SGCD: variants seen among roughly 807,000 people sequenced by gnomAD.
SGCD encodes the protein sarcoglycan delta.
In SGCD, 18 loss-of-function variants were observed where a neutral mutation model predicts 36.6. The observed-to-expected ratio is 0.49, with a 90% CI of 0.34 to 0.73. The LOEUF is 0.73. Ranked by LOEUF, SGCD falls within the 30% of genes least tolerant of loss-of-function variation. The probability of loss-of-function intolerance (pLI) is 0.01; values close to 1 mark genes in which losing one functional copy is unlikely to be tolerated. For missense variants in SGCD, 387 were observed against 346.7 expected (o/e 1.12, Z -0.92); for synonymous variants, 133 against 130.6 (o/e 1.02, Z -0.12).
chr5:156,351,246 T>A (rs1366837380), intron 3 of SGCD, among the ~76,000 whole-genome samples: 3 of 152,210 alleles, frequency 2.0e-5, no homozygotes, highest in Non-Finnish European at 4.4e-5. Flanking sequence ...AAACTTAATA[T>A]CTACCCATAG....
intron 3 of SGCD, among the ~76,000 whole-genome samples, chr5:156,296,163 G>C (rs1259247591): frequency 6.6e-6 from 1 of 152,156 alleles, no homozygotes; most frequent in Non-Finnish European, 1.5e-5. Flanking sequence ...TGATCACTCT[G>C]TTATATCTTC....
At chr5:156,628,596 C>T (rs1428161966) in intron 6 of SGCD, among the ~76,000 whole-genome samples, 1 of 152,152 alleles carries the variant, frequency 6.6e-6, no homozygotes, top group Non-Finnish European at 1.5e-5. Flanking sequence ...ATCTGCCATC[C>T]TTGACATCTT....
At chr5:156,176,831 C>T (rs911244577) in intron 3 of SGCD, among the ~76,000 whole-genome samples, 2 of 151,894 alleles carry the variant, frequency 1.3e-5, no homozygotes, top group Non-Finnish European at 2.9e-5. Context: ...TCCATTTTTT[C>T]TTTATCTGCC....
intron 3 of SGCD, among the ~76,000 whole-genome samples, chr5:156,157,311 C>T (rs1376766435): frequency 6.6e-6 from 1 of 151,706 alleles, no homozygotes; most frequent in African/African-American, 2.4e-5. Flanking sequence ...GTATTACTTT[C>T]ACTGTTTTTC....
At chr5:156,168,014 G>A (rs1165448434) in intron 3 of SGCD, among the ~76,000 whole-genome samples, 1 of 152,180 alleles carries the variant, frequency 6.6e-6, no homozygotes, top group South Asian at 2.1e-4. Flanking sequence ...TGAGCAAGTG[G>A]CTTAAACTTT....
intron 3 of SGCD, among the ~76,000 whole-genome samples, chr5:156,470,000 G>A (rs1389272804): frequency 6.6e-6 from 1 of 152,152 alleles, no homozygotes; most frequent in Non-Finnish European, 1.5e-5. Context: ...ATAGAAAGGG[G>A]CACAGTTTCT....
intron 3 of SGCD, among the ~76,000 whole-genome samples, chr5:156,470,400 A>T (rs537538370): frequency 6.6e-5 from 10 of 152,132 alleles, no homozygotes; most frequent in Admixed American, 6.5e-4. Flanking sequence ...TGTGCAGTTT[A>T]GTTACATATG....
intron 1 of SGCD, among the ~76,000 whole-genome samples, chr5:155,899,571 T>A (rs1269316384): frequency 6.6e-6 from 1 of 152,188 alleles, no homozygotes; most frequent in Non-Finnish European, 1.5e-5. Context: ...GGAATGATAT[T>A]TTAGAAGCAT....
intron 2 of SGCD, among the ~76,000 whole-genome samples, chr5:156,338,038 G>A (rs1308978293): frequency 6.6e-6 from 1 of 152,068 alleles, no homozygotes; most frequent in Non-Finnish European, 1.5e-5. Context: ...GCCTGTCAAT[G>A]CCCCTTCTTT....
intron 3 of SGCD, among the ~76,000 whole-genome samples, chr5:156,365,771 C>T (rs543563470): frequency 1.3e-5 from 2 of 151,910 alleles, no homozygotes; most frequent in South Asian, 4.2e-4. Flanking sequence ...ACATGTATGT[C>T]TATATTTCCA....
rs555945842 is a variant in SGCD, at chr5:156,237,638, A to G, written c.-43-91896A>G. On this transcript the variant is annotated intron_variant, in intron 3 of 9. Transcript: ENST00000517913. The stretch of plus-strand genomic sequence containing the variant: ...AGACTGTCTCAAAATGAAAAAAACA[A>G]AAAACAAAGCGGGACACTTTCAGAA... Among the ~76,000 whole-genome samples the G allele has an allele frequency of 1.2e-4, 19 of 152,282 alleles. No homozygotes were observed. The South Asian group carries it at 2.1e-3, about 17-fold the overall frequency.
chr5:156,529,329 G>A (rs1160396288), intron 4 of SGCD, among the ~76,000 whole-genome samples: 2 of 151,158 alleles, frequency 1.3e-5, no homozygotes, highest in Non-Finnish European at 2.9e-5. Context: ...GGAGGCTGAG[G>A]CAGGAGAATT....
At chr5:156,111,130 GAA>G (rs1761775248) in intron 1 of SGCD, among the ~76,000 whole-genome samples, 1 of 152,190 alleles carries the variant, frequency 6.6e-6, no homozygotes, top group Non-Finnish European at 1.5e-5. Context: ...GGTGCTCAGA[GAA>G]AGTCGCAAAT....
At chr5:155,730,003 G>A in the SGCD span, among the ~76,000 whole-genome samples, 4 of 152,158 alleles carry the variant, frequency 2.6e-5, no homozygotes, top group East Asian at 1.9e-4. Flanking sequence ...CTGAAGGGAG[G>A]GGGAGTTGCC....
intron 3 of SGCD, among the ~76,000 whole-genome samples, chr5:156,456,793 G>C (rs1463552820): frequency 6.6e-6 from 1 of 152,120 alleles, no homozygotes; most frequent in African/African-American, 2.4e-5. Context: ...ACAAGTTGTA[G>C]GTATTTTGTT....
chr5:155,871,451 C>T (rs974827675), intron 1 of SGCD, among the ~76,000 whole-genome samples: 3 of 151,946 alleles, frequency 2.0e-5, no homozygotes, highest in African/African-American at 7.3e-5. Flanking sequence ...GACCTTATGC[C>T]AGGTAGTAAG....
intron 7 of SGCD, among the ~76,000 whole-genome samples, chr5:156,718,004 T>C (rs1449202113): frequency 6.6e-6 from 1 of 152,152 alleles, no homozygotes; most frequent in Non-Finnish European, 1.5e-5. Flanking sequence ...TTGTTTTAAC[T>C]GTAACCAAGA....
chr5:156,218,857 A>G (rs916744252), intron 3 of SGCD, among the ~76,000 whole-genome samples: 3 of 152,154 alleles, frequency 2.0e-5, no homozygotes, highest in Non-Finnish European at 4.4e-5. Context: ...AAAATAATAA[A>G]TATCCCCTAT....
chr5:156,586,125 A>T (rs572878149), intron 4 of SGCD, among the ~76,000 whole-genome samples: 1 of 151,560 alleles, frequency 6.6e-6, no homozygotes, highest in South Asian at 2.1e-4. Flanking sequence ...AAACCACCTT[A>T]TGTATAGCTC....
Sources: gnomAD v4.1 joint callset for allele counts (sites outside exome capture counted in the v4.1 genomes callset) on GRCh38, gnomAD v4.1.1 for gene constraint, MANE v1.5 for transcripts, NCBI Gene and HGNC (gene_info 2026-07-23, HGNC 2026-07-21) for gene names.